Variants in TNPO3 observed in about 807,000 individuals in gnomAD.
TNPO3 encodes the protein transportin 3, also known as transportin-3.
TNPO3 carries 65 observed loss-of-function variants against 122.8 expected under a neutral mutation model. The observed-to-expected ratio is 0.53, with a 90% confidence interval of 0.43 to 0.65. The LOEUF is 0.65. Ranked by LOEUF, TNPO3 falls within the 30% of genes least tolerant of loss-of-function variation. The pLI is 0.00. For missense variants in TNPO3, 850 were observed against 1,136.7 expected, an observed-to-expected ratio of 0.75 and a Z score of 3.63; for synonymous variants, 372 against 411.2, an observed-to-expected ratio of 0.90 and a Z score of 1.15.
At chr7:129,026,962 T>A (rs1008512178) in intron 1 of TNPO3, among the ~76,000 whole-genome samples, 4 of 151,932 alleles carry the variant, frequency 2.6e-5, no homozygotes, top group African/African-American at 9.7e-5. Context: ...CCAGCTAATT[T>A]TTTTTTATTT....
chr7:128,972,582 C>G lies in TNPO3; in HGVS notation c.2274G>C (p.Arg758Ser), dbSNP rs546431479. The G allele has an allele frequency of 6.2e-7, 1 of 1,612,622 alleles. No homozygotes were observed. The highest frequency in any genetic ancestry group is 1.3e-5 in the African/African-American group (1 of 74,868). The change falls in exon 19 of 23, where the codon AGG (arginine) becomes AGC (serine). Residue 758 changes from arginine to serine, a missense_variant and splice_region_variant. By Grantham distance (110) the Arg-to-Ser change is moderately radical. Transcript: ENST00000265388. ...AGGTGACAGGGCTACGCTGAATAAA[C>G]CTGGTGTGGAAAGTGAGACTAGGTA... ...TVDDLFRLAT[R>S]FIQRSPVTLL... is the part of the protein sequence containing the mutation.
intron 21 of TNPO3, among the ~76,000 whole-genome samples, chr7:128,962,514 G>A (rs150829773): frequency 2.0e-5 from 3 of 152,188 alleles, no homozygotes; most frequent in East Asian, 3.8e-4. Flanking sequence ...CAGGTGTTAC[G>A]GACCTTAAAA....
chr7:128,964,333 C>CTTT (rs35667373), intron 21 of TNPO3, among the ~76,000 whole-genome samples: 161 of 120,610 alleles, frequency 1.3e-3, no homozygotes, highest in African/African-American at 2.6e-3. Flanking sequence ...CCAAAACAAT[C>CTTT]TTTTTTTTTT....
chr7:129,000,365 A>G (rs1335981345), intron 7 of TNPO3, 64 bp downstream of exon 7: 1 of 1,430,428 alleles, frequency 7.0e-7, no homozygotes, highest in Non-Finnish European at 9.3e-7. Context: ...CGAGGTAATG[A>G]AATATAGATA....
rs1321064810 is a variant in TNPO3 at position 128,993,849 on chromosome 7, C to G, written c.1224G>C (p.Lys408Asn). The G allele has an allele frequency of 2.5e-6, 4 of 1,614,102 alleles. No individual in the cohort carries two copies. The highest frequency in any genetic ancestry group is 3.4e-6 in the Non-Finnish European group (4 of 1,180,004). ...EFRMRVSDLV[K>N]DLIFLIGSME... ...TAGACCCTATCAAGAAAATCAAGTC[C>G]TTTACCAGGTCTGATACCCTCATGC... The change falls in exon 9 of 23, where the codon AAG becomes AAC. Residue 408 changes from lysine to asparagine, a missense_variant. By Grantham distance (94) the Lys-to-Asn change is moderately conservative (BLOSUM62 0). Coordinates refer to ENST00000265388, the MANE Select transcript of TNPO3 (RefSeq NM_012470.4).
chr7:129,048,881 G>A (rs566707984), intron 1 of TNPO3, among the ~76,000 whole-genome samples: 44 of 152,226 alleles, frequency 2.9e-4, no homozygotes, highest in Non-Finnish European at 5.3e-4. Context: ...TAATAACCAT[G>A]GTTTATTTCT....
rs762053595 is a variant in TNPO3 at position 129,000,488 on chromosome 7, G to C, written c.952C>G (p.Leu318Val). ...AGCTCCAGAGTTCGAAGGTCCCCAA[G>C]ACCTTGGCCTGGAGTACAAACAATT... is the stretch of plus-strand genomic sequence containing the variant. The part of the protein sequence containing the change: ...EKIVCTPGQG[L>V]GDLRTLELLL... The change falls in exon 7 of 23, where the codon CTT becomes GTT. Residue 318 changes from leucine (L) to valine (V), a missense_variant. Coordinates refer to ENST00000265388, the MANE Select transcript of TNPO3 (RefSeq NM_012470.4). 3 of 1,614,146 alleles carry C rather than the reference G, an allele frequency of 1.9e-6. No individual in the cohort carries two copies. In the Admixed American group the frequency reaches 5.0e-5, roughly 27 times the overall value.
intron 4 of TNPO3, among the ~76,000 whole-genome samples, chr7:129,006,552 T>C (rs1215446723): frequency 6.6e-6 from 1 of 152,258 alleles, no homozygotes; most frequent in African/African-American, 2.4e-5. Context: ...CATCTTTTTC[T>C]AGGCAAAGAA....
chr7:128,984,717 A>G (rs1799970161), intron 12 of TNPO3, among the ~76,000 whole-genome samples: 1 of 152,222 alleles, frequency 6.6e-6, no homozygotes, highest in African/African-American at 2.4e-5. Context: ...CTCTTACACC[A>G]TAACACTCTC....
intron 1 of TNPO3, among the ~76,000 whole-genome samples, chr7:129,019,737 T>C (rs908856394): frequency 6.6e-6 from 1 of 152,124 alleles, no homozygotes; most frequent in Non-Finnish European, 1.5e-5. Flanking sequence ...CTCACACCTG[T>C]AATCTCAGCA....
chr7:129,005,804 T>G (rs1159853440), intron 4 of TNPO3, among the ~76,000 whole-genome samples: 1 of 145,982 alleles, frequency 6.9e-6, no homozygotes, highest in African/African-American at 2.5e-5. Flanking sequence ...TTTTTTGAGA[T>G]GGAGTATTGC....
In TNPO3 at chr7:129,055,020, C is replaced by G; in HGVS notation, c.-250G>C. 1.0e-5 allele frequency: 5 copies of G among 477,750 alleles called. No individual in the cohort carries two copies. The highest frequency in any genetic ancestry group is 1.5e-5 in the Non-Finnish European group (4 of 261,880). 29.6% of individuals were successfully genotyped at this position (477,750 alleles called of 1,614,324 possible). On this transcript the variant is annotated 5_prime_UTR_variant, in exon 1 of 23. Coordinates refer to ENST00000265388, the MANE Select transcript of TNPO3 (RefSeq NM_012470.4). ...TCCACTTGATTCTAGACTCTTGAGTCCACAGATTCTGGCGCTCCCGTCTTC... is the reference window on the plus strand; with the variant it reads ...TCCACTTGATTCTAGACTCTTGAGTGCACAGATTCTGGCGCTCCCGTCTTC...
intron 21 of TNPO3, among the ~76,000 whole-genome samples, chr7:128,966,575 T>C (rs1487384546): frequency 6.6e-6 from 1 of 152,218 alleles, no homozygotes; most frequent in African/African-American, 2.4e-5. Flanking sequence ...TTTGACATTA[T>C]CTGTAATACT....
In TNPO3 at chr7:129,054,980, C is replaced by CT; in HGVS notation, c.-211dup. ...ATTAGGTCGTATTCAGGTTCCTGGC[C>CT]TTTTTTCCGGTTTTTCCACTTGATT... is the stretch of plus-strand genomic sequence containing the variant. On this transcript the variant is annotated 5_prime_UTR_variant, in exon 1 of 23. Transcript: ENST00000265388. 1.7e-6 allele frequency: 1 copy of CT among 598,322 alleles called. No homozygotes were observed. Among genetic ancestry groups the CT allele is most frequent in the Non-Finnish European group, 2.9e-6 (1 of 347,414 alleles). 37.1% of individuals were successfully genotyped at this position (598,322 alleles called of 1,614,324 possible). A position where few individuals can be genotyped will look rare whatever the true frequency, so the allele number is the denominator to read the frequency against.
chr7:129,029,858 TA>T (rs543309144), intron 1 of TNPO3: 14 of 146,232 alleles, frequency 9.6e-5, no homozygotes, highest in South Asian at 2.2e-4. Flanking sequence ...CCATCTCTAC[TA>T]AAAAAAAAAC....
chr7:129,046,900 A>AAT (rs1297586134), intron 1 of TNPO3, among the ~76,000 whole-genome samples: 1 of 152,202 alleles, frequency 6.6e-6, no homozygotes, highest in Non-Finnish European at 1.5e-5. Context: ...ACCCCCCATC[A>AAT]TGATTCAATT....
chr7:129,056,047 G>T, upstream of TNPO3: 2 of 1,151,670 alleles, frequency 1.7e-6, no homozygotes, highest in Non-Finnish European at 1.3e-6. Context: ...TTCTTCGTGG[G>T]GAGGAACTGG....
At chr7:129,015,937 A>G (rs888262310) in intron 3 of TNPO3, among the ~76,000 whole-genome samples, 2 of 152,076 alleles carry the variant, frequency 1.3e-5, no homozygotes, top group African/African-American at 4.8e-5. Flanking sequence ...AATTTCCCCA[A>G]TAAAAATTTT....
chr7:129,009,786 C>T (rs970335806), intron 4 of TNPO3, among the ~76,000 whole-genome samples: 4 of 152,212 alleles, frequency 2.6e-5, no homozygotes, highest in African/African-American at 9.7e-5. Flanking sequence ...CTAAAAGCAG[C>T]TCTTACTTTT....
Sources: gnomAD v4.1 joint callset for allele counts (sites outside exome capture counted in the v4.1 genomes callset) on GRCh38, gnomAD v4.1.1 for gene constraint, MANE v1.5 for transcripts, NCBI Gene and HGNC (gene_info 2026-07-23, HGNC 2026-07-21) for gene names.